COL5A2: variants seen among roughly 807,000 people sequenced by gnomAD.
The protein encoded by COL5A2 is collagen alpha-2(V) chain.
A neutral mutation model predicts 208.2 loss-of-function variants in COL5A2; 23 were observed. That is an observed-to-expected ratio of 0.11 (90% CI 0.08 to 0.16). The LOEUF (loss-of-function observed/expected upper bound fraction) is 0.16. Among genes scored for constraint, COL5A2 ranks in the 10% least tolerant of loss-of-function variants. The pLI is 1.00. For missense variants in COL5A2, 1,590 were observed against 1,956.4 expected (o/e 0.81, Z 3.53); for synonymous variants, 625 against 628.5 (o/e 0.99, Z 0.08).
chr2:189,146,306 CTATT>C (rs1262948452), intron 1 of COL5A2, among the ~76,000 whole-genome samples: 2 of 152,014 alleles, frequency 1.3e-5, no homozygotes, highest in African/African-American at 4.8e-5. Flanking sequence ...TACAGGGACA[CTATT>C]TAAGCAAAAT....
chr2:189,090,859 G>A (rs1466599557), intron 7 of COL5A2, among the ~76,000 whole-genome samples: 1 of 152,106 alleles, frequency 6.6e-6, no homozygotes, highest in Non-Finnish European at 1.5e-5. Flanking sequence ...AAATATTACT[G>A]CTCAGTGACA....
chr2:189,050,443 A>G, intron 43 of COL5A2, 126 bp downstream of exon 43: 1 of 761,786 alleles, frequency 1.3e-6, no homozygotes, highest in East Asian at 2.7e-5. Flanking sequence ...TTTTTAAGAG[A>G]CTCAAAAATT....
chr2:189,422,362 T>C, the COL5A2 span, among the ~76,000 whole-genome samples: 2 of 151,916 alleles, frequency 1.3e-5, no homozygotes, highest in Admixed American at 1.3e-4. Flanking sequence ...AACAGAAATT[T>C]TGGAACTAAA....
At chr2:189,240,733 T>C in the COL5A2 span, among the ~76,000 whole-genome samples, 1 of 152,198 alleles carries the variant, frequency 6.6e-6, no homozygotes, top group Non-Finnish European at 1.5e-5. Context: ...AAGACAGTTC[T>C]GCAGGTCTCT....
chr2:189,243,236 G>C, the COL5A2 span, among the ~76,000 whole-genome samples: 1 of 151,578 alleles, frequency 6.6e-6, no homozygotes, highest in Non-Finnish European at 1.5e-5. Flanking sequence ...GAGGGAGAGA[G>C]GAAGGAAGAC....
At position 189,039,460 on chromosome 2, in the gene COL5A2, T is replaced by C. The variant is rs750939173; in HGVS notation, c.3737A>G (p.Asp1246Gly). The C allele has an allele frequency of 5.6e-6, 9 of 1,614,110 alleles. No homozygotes were observed. Among genetic ancestry groups the C allele is most frequent in the South Asian group, 3.3e-5 (3 of 91,072 alleles). ...ATCTTCAGTAAACTCAGGAAGTGGA[T>C]CTGGCATGCTTTCATCATAGTGCCC... The part of the protein sequence containing the change: ...IMGHYDESMP[D>G]PLPEFTEDQA... Residue 1246 changes from aspartate to glycine, a missense_variant, in exon 51 of 54, where the codon GAT (aspartate) becomes GGT (glycine). Asp to Gly is a moderately conservative substitution (Grantham distance 94). Transcript: ENST00000374866.
Position 189,052,238 on chromosome 2 carries a change from T to A in COL5A2, c.2716-13A>T, listed in dbSNP as rs1445993004. On this transcript the variant is annotated splice_polypyrimidine_tract_variant and intron_variant, in intron 40 of 53. Coordinates refer to ENST00000374866, the MANE Select transcript of COL5A2 (RefSeq NM_000393.5). ...ATCCTGTAGCACCCTAGAACCAGAATATCATATAAGCAATTTTTAAGGTAA... is the reference window on the plus strand; with the variant it reads ...ATCCTGTAGCACCCTAGAACCAGAAAATCATATAAGCAATTTTTAAGGTAA... The A allele has an allele frequency of 6.2e-7, 1 of 1,613,256 alleles. No homozygotes were observed. The highest frequency in any genetic ancestry group is 1.7e-5 in the Admixed American group (1 of 60,014).
chr2:189,415,713 G>A, the COL5A2 span, among the ~76,000 whole-genome samples: 2 of 152,270 alleles, frequency 1.3e-5, no homozygotes, highest in East Asian at 3.9e-4. Context: ...AGGCTGGAGT[G>A]CAGTGGCACG....
At chr2:189,139,550 T>C (rs543094394) in intron 1 of COL5A2, among the ~76,000 whole-genome samples, 102 of 152,208 alleles carry the variant, frequency 6.7e-4, no homozygotes, top group Middle Eastern at 3.4e-3. Context: ...TAATATGGGA[T>C]CCTGTGAGGG....
chr2:189,133,580 G>A (rs1021869915), intron 1 of COL5A2, among the ~76,000 whole-genome samples: 3 of 152,090 alleles, frequency 2.0e-5, no homozygotes, highest in South Asian at 2.1e-4. Context: ...GTTGAGCTGC[G>A]AAATGGAAAA....
At chr2:189,236,873 GTTTAA>G in the COL5A2 span, among the ~76,000 whole-genome samples, 45 of 151,782 alleles carry the variant, frequency 3.0e-4, no homozygotes, top group South Asian at 7.1e-3. Flanking sequence ...CTTTAATGTA[GTTTAA>G]TTTATCAATG....
chr2:189,127,293 A>T (rs1033775874), intron 1 of COL5A2, among the ~76,000 whole-genome samples: 1 of 152,088 alleles, frequency 6.6e-6, no homozygotes, highest in Non-Finnish European at 1.5e-5. Context: ...GATGGCCTTC[A>T]GTCTTCTTTC....
At chr2:189,383,630 T>C in the COL5A2 span, among the ~76,000 whole-genome samples, 1 of 152,160 alleles carries the variant, frequency 6.6e-6, no homozygotes, top group South Asian at 2.1e-4. Flanking sequence ...TTTTTATGGA[T>C]ATATAATAGT....
intron 3 of COL5A2, among the ~76,000 whole-genome samples, chr2:189,102,325 T>G (rs1243356280): frequency 4.6e-5 from 7 of 152,100 alleles, no homozygotes; most frequent in Non-Finnish European, 1.0e-4. Flanking sequence ...GTAGGCTTTT[T>G]GATATATGAC....
At chr2:189,141,658 C>T (rs1185656841) in intron 1 of COL5A2, among the ~76,000 whole-genome samples, 4 of 152,114 alleles carry the variant, frequency 2.6e-5, no homozygotes, top group Admixed American at 2.0e-4. Flanking sequence ...TCCCAACTTC[C>T]CCCGAATTCT....
the COL5A2 span, among the ~76,000 whole-genome samples, chr2:189,392,486 C>A: frequency 6.6e-6 from 1 of 152,280 alleles, no homozygotes; most frequent in Admixed American, 6.5e-5. Context: ...GTCCTTACCC[C>A]TGGAAGTAAA....
intron 34 of COL5A2, 39 bp from the exon 35 acceptor site, chr2:189,057,065 G>T: frequency 3.1e-6 from 5 of 1,591,568 alleles, no homozygotes; most frequent in South Asian, 1.1e-5. Flanking sequence ...TCATTTAATT[G>T]TCTCTTTCCC....
the COL5A2 span, among the ~76,000 whole-genome samples, chr2:189,285,984 T>C: frequency 2.0e-5 from 3 of 152,106 alleles, no homozygotes; most frequent in South Asian, 2.1e-4. Context: ...CAAATGTCTC[T>C]GACACTACCT....
chr2:189,100,665 G>A (rs1352830168), intron 3 of COL5A2, among the ~76,000 whole-genome samples: 1 of 151,626 alleles, frequency 6.6e-6, no homozygotes, highest in Non-Finnish European at 1.5e-5. Flanking sequence ...ATGAGTACAT[G>A]TGCTCATCTT....
Sources: gnomAD v4.1 joint callset for allele counts (sites outside exome capture counted in the v4.1 genomes callset) on GRCh38, gnomAD v4.1.1 for gene constraint, MANE v1.5 for transcripts, NCBI Gene and HGNC (gene_info 2026-07-23, HGNC 2026-07-21) for gene names.